The following SLC16A7 variants were observed in gnomAD, a reference collection of about 807,000 sequenced individuals.
The protein encoded by SLC16A7 is monocarboxylate transporter 2.
In SLC16A7, 33 loss-of-function variants were observed where a neutral mutation model predicts 34.9. That is an observed-to-expected ratio of 0.94 (90% CI 0.72 to 1.26). The LOEUF (loss-of-function observed/expected upper bound fraction) is 1.26. SLC16A7 is among the 50% of genes most tolerant of loss of function. SLC16A7 has a pLI of 0.00. For synonymous variants in SLC16A7, 201 were observed against 206.6 expected, an observed-to-expected ratio of 0.97 and a Z score of 0.23; for missense variants, 573 against 578.1, an observed-to-expected ratio of 0.99 and a Z score of 0.09.
In SLC16A7 at chr12:59,789,440, T is replaced by C. The variant is rs1883844300; in HGVS notation, c.*9761T>C. The C allele has an allele frequency of 6.6e-6, 1 of 152,184 alleles. No homozygotes were observed. Among genetic ancestry groups the C allele is most frequent in the Admixed American group, 6.5e-5 (1 of 15,278 alleles). The allele number at this position is 152,184 out of a possible 1,614,324, so 9.4% of individuals were successfully genotyped here. ...AACTTTATGGTACATATTAATTAGT[T>C]TTATTTTCTTTTCAAAATCAGAAAT... On this transcript the variant is annotated 3_prime_UTR_variant, in exon 6 of 6. Transcript: ENST00000547379.
intron 2 of SLC16A7, among the ~76,000 whole-genome samples, chr12:59,679,074 C>A (rs1031588393): frequency 6.6e-6 from 1 of 152,138 alleles, no homozygotes; most frequent in African/African-American, 2.4e-5. Flanking sequence ...ATTTCTGAGC[C>A]TGAAGGGGCA....
chr12:59,615,677 C>G (rs1321274552), intron 1 of SLC16A7, among the ~76,000 whole-genome samples: 1 of 152,182 alleles, frequency 6.6e-6, no homozygotes, highest in Non-Finnish European at 1.5e-5. Flanking sequence ...ACTGTTCATA[C>G]TCTTGGAGTA....
intron 3 of SLC16A7, among the ~76,000 whole-genome samples, chr12:59,748,258 T>C (rs752373695): frequency 3.3e-5 from 5 of 152,170 alleles, no homozygotes; most frequent in Admixed American, 6.5e-5. Context: ...CAGGAACCCT[T>C]ACAGACGCTA....
chr12:59,717,549 C>A (rs541013802), intron 3 of SLC16A7, among the ~76,000 whole-genome samples: 4 of 152,206 alleles, frequency 2.6e-5, no homozygotes, highest in Non-Finnish European at 5.9e-5. Context: ...TTCCTTAAAT[C>A]GAACATGATA....
rs1883218560 is a variant in SLC16A7 at position 59,781,174 on chromosome 12, A to G, written c.*1495A>G. The G allele has an allele frequency of 6.6e-6, 1 of 152,254 alleles. No homozygotes were observed. The highest frequency in any genetic ancestry group is 1.5e-5 in the Non-Finnish European group (1 of 68,032). The allele number at this position is 152,254 out of a possible 1,614,324, so 9.4% of individuals were successfully genotyped here. A position where few individuals can be genotyped will look rare whatever the true frequency, so the allele number is the denominator to read the frequency against. ...CTGAATACAGAGGCATATTCTTTTT[A>G]AACTATAAATACCATTTTGAGTGAG... On this transcript the variant is annotated 3_prime_UTR_variant, in exon 6 of 6. Transcript: ENST00000547379.
intron 1 of SLC16A7, among the ~76,000 whole-genome samples, chr12:59,650,070 A>G (rs1422832487): frequency 6.6e-6 from 1 of 152,078 alleles, no homozygotes; most frequent in East Asian, 1.9e-4. Context: ...TTTAGGATTT[A>G]TATATATCAT....
At chr12:59,647,133 GC>G (rs1203208483) in intron 1 of SLC16A7, among the ~76,000 whole-genome samples, 11 of 152,236 alleles carry the variant, frequency 7.2e-5, no homozygotes, top group Non-Finnish European at 1.0e-4. Flanking sequence ...GTTGGGAAGG[GC>G]ATGATTGTAT....
chr12:59,740,410 G>C (rs953700133), intron 3 of SLC16A7, among the ~76,000 whole-genome samples: 2 of 152,138 alleles, frequency 1.3e-5, no homozygotes, highest in South Asian at 4.1e-4. Context: ...CTATATCTCT[G>C]TTTTGGTACC....
At chr12:59,767,706 C>G (rs1049361862) in intron 3 of SLC16A7, among the ~76,000 whole-genome samples, 13 of 152,050 alleles carry the variant, frequency 8.5e-5, no homozygotes, top group African/African-American at 2.9e-4. Flanking sequence ...GACAATGCAC[C>G]TGGGTCACCC....
At chr12:59,758,654 A>G (rs375960812) in intron 3 of SLC16A7, among the ~76,000 whole-genome samples, 48 of 152,272 alleles carry the variant, frequency 3.2e-4, no homozygotes, top group African/African-American at 1.1e-3. Context: ...CATAATATGT[A>G]TTTGAGAAGA....
At chr12:59,641,719 C>T (rs149823668) in intron 1 of SLC16A7, among the ~76,000 whole-genome samples, 43 of 152,110 alleles carry the variant, frequency 2.8e-4, no homozygotes, top group African/African-American at 7.9e-4. Flanking sequence ...CTGTTTCTTA[C>T]ATTTTCCGTT....
chr12:59,754,647 G>C (rs1880062620), intron 3 of SLC16A7, among the ~76,000 whole-genome samples: 1 of 152,154 alleles, frequency 6.6e-6, no homozygotes, highest in Non-Finnish European at 1.5e-5. Flanking sequence ...TCCAGGACCA[G>C]ATGGATTCAC....
chr12:59,653,942 A>G (rs993880611), intron 1 of SLC16A7, among the ~76,000 whole-genome samples: 3 of 151,712 alleles, frequency 2.0e-5, no homozygotes, highest in African/African-American at 7.2e-5. Context: ...TCTTGATTAC[A>G]TCTCAAAGTT....
At chr12:59,613,187 T>G (rs930083225) in intron 1 of SLC16A7, among the ~76,000 whole-genome samples, 1 of 152,236 alleles carries the variant, frequency 6.6e-6, no homozygotes, top group African/African-American at 2.4e-5. Context: ...AAGCAAACAC[T>G]TCCTTCTTCA....
intron 3 of SLC16A7, among the ~76,000 whole-genome samples, chr12:59,760,915 G>T (rs1880944227): frequency 6.6e-6 from 1 of 152,124 alleles, no homozygotes; most frequent in Admixed American, 6.6e-5. Flanking sequence ...GAAATAAAAA[G>T]ACATGAAGCA....
At chr12:59,733,648 C>A (rs1015712374) in intron 3 of SLC16A7, 3 of 452,106 alleles carry the variant, frequency 6.6e-6, no homozygotes, top group African/African-American at 6.0e-5. Context: ...TTCTCATCAC[C>A]TGAACATGGC....
chr12:59,770,018 A>C (rs1882069842), intron 3 of SLC16A7, among the ~76,000 whole-genome samples: 1 of 152,120 alleles, frequency 6.6e-6, no homozygotes, highest in Admixed American at 6.6e-5. Flanking sequence ...TCAATTGTTA[A>C]GTTACACTGT....
intron 1 of SLC16A7, among the ~76,000 whole-genome samples, chr12:59,648,013 C>T (rs1038020345): frequency 6.6e-6 from 1 of 152,108 alleles, no homozygotes; most frequent in Non-Finnish European, 1.5e-5. Context: ...ATTATTGTGC[C>T]ACTGCACTCC....
chr12:59,723,588 G>A (rs1875869336), intron 3 of SLC16A7, among the ~76,000 whole-genome samples: 1 of 151,904 alleles, frequency 6.6e-6, no homozygotes, highest in Non-Finnish European at 1.5e-5. Flanking sequence ...AGATAAAAAA[G>A]GTTTGAAATG....
Sources: gnomAD v4.1 joint callset for allele counts (sites outside exome capture counted in the v4.1 genomes callset) on GRCh38, gnomAD v4.1.1 for gene constraint, MANE v1.5 for transcripts, NCBI Gene and HGNC (gene_info 2026-07-23, HGNC 2026-07-21) for gene names.